The following SCFD2 variants were observed in gnomAD, a reference collection of about 807,000 sequenced individuals.
SCFD2 encodes sec1 family domain-containing protein 2.
In SCFD2, 54 loss-of-function variants were observed where a neutral mutation model predicts 58.9. That is an observed-to-expected ratio of 0.92 (90% CI 0.74 to 1.15). The LOEUF is 1.15. SCFD2 is among the 50% of genes most tolerant of loss of function. SCFD2 has a pLI of 0.00. For synonymous variants in SCFD2, 321 were observed against 335.9 expected (o/e 0.96, Z 0.49); for missense variants, 805 against 836.6 (o/e 0.96, Z 0.47).
chr4:52,898,892 C>G (rs1324502385), intron 7 of SCFD2, among the ~76,000 whole-genome samples: 2 of 152,210 alleles, frequency 1.3e-5, no homozygotes, highest in African/African-American at 2.4e-5. Context: ...GCATTGATCC[C>G]TTTACCACTA....
intron 5 of SCFD2, among the ~76,000 whole-genome samples, chr4:53,118,548 G>A (rs1477269647): frequency 6.6e-6 from 1 of 152,044 alleles, no homozygotes; most frequent in East Asian, 1.9e-4. Flanking sequence ...TTTCTTCCAG[G>A]TTCAGTTTAC....
intron 4 of SCFD2, among the ~76,000 whole-genome samples, chr4:53,273,112 G>A (rs1157667182): frequency 6.6e-6 from 1 of 151,998 alleles, no homozygotes; most frequent in Non-Finnish European, 1.5e-5. Flanking sequence ...TTTCTTTAAT[G>A]AAAAAGGATC....
chr4:53,088,184 C>T (rs1724368920), intron 5 of SCFD2, among the ~76,000 whole-genome samples: 1 of 152,148 alleles, frequency 6.6e-6, no homozygotes, highest in African/African-American at 2.4e-5. Flanking sequence ...TATGGATCAG[C>T]CATCTCAACA....
At chr4:53,257,724 A>G (rs987931831) in intron 4 of SCFD2, among the ~76,000 whole-genome samples, 9 of 151,768 alleles carry the variant, frequency 5.9e-5, no homozygotes, top group African/African-American at 2.2e-4. Flanking sequence ...AGAGCACCCA[A>G]CTCTGCCTTT....
chr4:53,221,758 A>G (rs1175751097), intron 4 of SCFD2, among the ~76,000 whole-genome samples: 1 of 152,250 alleles, frequency 6.6e-6, no homozygotes, highest in Non-Finnish European at 1.5e-5. Context: ...AACTGGAAGA[A>G]GGCAGAACAA....
intron 5 of SCFD2, among the ~76,000 whole-genome samples, chr4:53,007,301 A>AGAGG (rs1342630542): frequency 7.0e-5 from 6 of 86,116 alleles, no homozygotes; most frequent in African/African-American, 2.7e-4. Context: ...GGAGAGAGGG[A>AGAGG]GAGGGAGAGA....
intron 5 of SCFD2, among the ~76,000 whole-genome samples, chr4:53,095,161 C>T (rs1724582810): frequency 1.3e-5 from 2 of 152,122 alleles, no homozygotes; most frequent in Admixed American, 1.3e-4. Flanking sequence ...TGTCTCATGA[C>T]TTTGAATAAT....
At chr4:52,939,534 A>G (rs1482565247) in intron 5 of SCFD2, among the ~76,000 whole-genome samples, 1 of 152,176 alleles carries the variant, frequency 6.6e-6, no homozygotes, top group Admixed American at 6.5e-5. Flanking sequence ...TCCAAAAGGG[A>G]TAAGATGCTT....
chr4:53,291,418 A>G (rs1030330392), intron 3 of SCFD2, among the ~76,000 whole-genome samples: 4 of 152,144 alleles, frequency 2.6e-5, no homozygotes, highest in Admixed American at 6.6e-5. Context: ...ACAGCTAACA[A>G]GGGAAGTGAA....
At chr4:52,974,847 G>T (rs56180830) in intron 5 of SCFD2, among the ~76,000 whole-genome samples, 1,543 of 152,064 alleles carry the variant, frequency 0.01, 15 homozygotes, top group Admixed American at 0.016. Flanking sequence ...ACAGAACAGA[G>T]CCCTCAGAAA....
chr4:52,890,247 A>T (rs1477304303), intron 7 of SCFD2, among the ~76,000 whole-genome samples: 2 of 152,194 alleles, frequency 1.3e-5, no homozygotes, highest in Admixed American at 1.3e-4. Flanking sequence ...TCCAAAGTAC[A>T]TTGGGAGAAT....
At chr4:52,947,634 G>A (rs552265089) in intron 5 of SCFD2, among the ~76,000 whole-genome samples, 1 of 152,106 alleles carries the variant, frequency 6.6e-6, no homozygotes, top group South Asian at 2.1e-4. Flanking sequence ...TGCACATATG[G>A]AAACTTGATA....
intron 2 of SCFD2, among the ~76,000 whole-genome samples, chr4:53,329,071 C>A (rs1347754659): frequency 6.6e-6 from 1 of 152,246 alleles, no homozygotes; most frequent in Non-Finnish European, 1.5e-5. Flanking sequence ...AGATTATATC[C>A]CTCACCTGGC....
chr4:52,953,332 G>A (rs559626489), intron 5 of SCFD2, among the ~76,000 whole-genome samples: 1 of 152,288 alleles, frequency 6.6e-6, no homozygotes, highest in Non-Finnish European at 1.5e-5. Context: ...TTATGCCAAT[G>A]ACTGTGATTT....
intron 7 of SCFD2, among the ~76,000 whole-genome samples, chr4:52,905,336 T>C (rs1719319189): frequency 6.6e-6 from 1 of 152,218 alleles, no homozygotes; most frequent in Non-Finnish European, 1.5e-5. Flanking sequence ...AGGTAACTCT[T>C]TGCTCTACTG....
In SCFD2 at chr4:52,964,117, C is replaced by A. The variant is rs189007217; in HGVS notation, c.1562-43247G>T. On this transcript the variant is annotated intron_variant, in intron 5 of 8. Transcript: ENST00000401642. The stretch of plus-strand genomic sequence containing the variant: ...CCAACACATCTTTTCCTGAAGCAGG[C>A]CACTTAGCAATGTTCTGGGCACCAA... Among the ~76,000 whole-genome samples the A allele has an allele frequency of 4.6e-5, 7 of 152,270 alleles. No homozygotes were observed. In the East Asian group the frequency reaches 7.7e-4, roughly 17 times the overall value.
intron 5 of SCFD2, among the ~76,000 whole-genome samples, chr4:52,931,818 C>T (rs1261994801): frequency 6.6e-6 from 1 of 152,210 alleles, no homozygotes; most frequent in African/African-American, 2.4e-5. Flanking sequence ...CCCTCCTGCC[C>T]TCCAGGAAGC....
At chr4:53,360,054 G>A (rs773042315) in intron 1 of SCFD2, among the ~76,000 whole-genome samples, 4 of 152,134 alleles carry the variant, frequency 2.6e-5, no homozygotes, top group African/African-American at 4.8e-5. Context: ...AACAGTATTT[G>A]GTGACTTGTG....
intron 5 of SCFD2, among the ~76,000 whole-genome samples, chr4:53,064,729 C>T (rs7663460): frequency 0.95 from 144,394 of 152,190 alleles, 68,962 homozygotes; most frequent in East Asian, 1. Flanking sequence ...CTTAAAATAT[C>T]TCCTTATGAG....
Sources: gnomAD v4.1 joint callset for allele counts (sites outside exome capture counted in the v4.1 genomes callset) on GRCh38, gnomAD v4.1.1 for gene constraint, MANE v1.5 for transcripts, NCBI Gene and HGNC (gene_info 2026-07-23, HGNC 2026-07-21) for gene names.